Variants in MSH3 observed in about 807,000 individuals in gnomAD.
MSH3 encodes mutS homolog 3, also known as DNA mismatch repair protein Msh3.
In MSH3, 106 loss-of-function variants were observed where a neutral mutation model predicts 123.3. The observed-to-expected ratio is 0.86, with a 90% CI of 0.73 to 1.01. The LOEUF is 1.01. Among genes scored for constraint, MSH3 ranks in the 50% least tolerant of loss-of-function variants. The pLI, the probability that MSH3 is intolerant of heterozygous loss-of-function variation, is 0.00. For synonymous variants in MSH3, 515 were observed against 481.4 expected (o/e 1.07, Z -0.91); for missense variants, 1,459 against 1,347.6 (o/e 1.08, Z -1.29).
rs1580104275 is a variant in MSH3 at position 80,873,122 on chromosome 5, C to T, written c.3137C>T (p.Ala1046Val). Reference sequence around the variant, plus strand: ...TCCTTTCTTTATTTCACAGGCGCAGCAGAACAAGTCCCTGATTTTGTCACC... The same window carrying T: ...TCCTTTCTTTATTTCACAGGCGCAGTAGAACAAGTCCCTGATTTTGTCACC... The part of the protein sequence containing the change: ...EDESKLDPGA[A>V]EQVPDFVTFL... The change falls in exon 23 of 24, where the codon GCA becomes GTA. Residue 1046 changes from alanine (A) to valine (V), a missense_variant. Ala to Val is a moderately conservative substitution (Grantham distance 64). Transcript: ENST00000265081. 4 of 1,613,086 alleles carry T rather than the reference C, an allele frequency of 2.5e-6. No individual in the cohort carries two copies. Among genetic ancestry groups the T allele is most frequent in the Non-Finnish European group, 2.5e-6 (3 of 1,179,146 alleles).
intron 8 of MSH3, among the ~76,000 whole-genome samples, chr5:80,695,837 G>A (rs1580568921): frequency 6.6e-6 from 1 of 152,142 alleles, no homozygotes; most frequent in Non-Finnish European, 1.5e-5. Flanking sequence ...TCAGTTGGAG[G>A]TTTGGAGGTT....
At chr5:80,850,724 G>T (rs1420325395) in intron 20 of MSH3, among the ~76,000 whole-genome samples, 4 of 152,178 alleles carry the variant, frequency 2.6e-5, no homozygotes, top group African/African-American at 9.7e-5. Context: ...AAAAGATGTG[G>T]CTGGGGACAC....
At chr5:80,838,449 A>T (rs1354234488) in intron 20 of MSH3, among the ~76,000 whole-genome samples, 1 of 152,192 alleles carries the variant, frequency 6.6e-6, no homozygotes, top group Non-Finnish European at 1.5e-5. Flanking sequence ...AAAATGAGAT[A>T]ATGCCGGTAA....
chr5:80,839,754 TG>T (rs1561495098), intron 20 of MSH3, among the ~76,000 whole-genome samples: 4 of 152,140 alleles, frequency 2.6e-5, no homozygotes, highest in African/African-American at 9.7e-5. Context: ...ATATAAAAAG[TG>T]ACACAATAAA....
rs963277571 is a variant in MSH3, at chr5:80,670,413, A to G, written c.792+104A>G. Reference sequence around the variant, plus strand: ...CTGACCTTATATAAAAGCTGATTTGATCAATCACCTTTTAAAAAATACTGT... The same window carrying G: ...CTGACCTTATATAAAAGCTGATTTGGTCAATCACCTTTTAAAAAATACTGT... On this transcript the variant is annotated intron_variant, in intron 4 of 23. Transcript: ENST00000265081. 4 of 1,167,466 alleles carry G rather than the reference A, an allele frequency of 3.4e-6. No individual in the cohort carries two copies. In the East Asian group the frequency reaches 7.5e-5, roughly 22 times the overall value. The allele number at this position is 1,167,466 out of a possible 1,614,324, so 72.3% of individuals were successfully genotyped here.
Position 80,810,146 on chromosome 5 carries a change from T to C in MSH3, c.2656-3438T>C, listed in dbSNP as rs546508999. ...TGATGTTATTTATTATCCTTATGCA[T>C]GGTTTTTATTCTTTTGTTTGACATA... On this transcript the variant is annotated intron_variant, in intron 19 of 23. Transcript: ENST00000265081. Among the ~76,000 whole-genome samples the C allele has an allele frequency of 2.4e-3, 336 of 141,182 alleles. 2 individuals are homozygous for C. Among genetic ancestry groups the C allele is most frequent in the Middle Eastern group, 0.015 (4 of 266 alleles). 92.6% of individuals were successfully genotyped at this position (141,182 alleles called of 152,430 possible).
chr5:80,750,078 A>AGTGTGTGTGTGTGTGT (rs57762095), intron 12 of MSH3, among the ~76,000 whole-genome samples: 3,117 of 134,162 alleles, frequency 0.023, 84 homozygotes, highest in African/African-American at 0.062. Flanking sequence ...AGTATTCCAG[A>AGTGTGTGTGTGTGTGT]GTGTGTGTGT....
intron 17 of MSH3, among the ~76,000 whole-genome samples, chr5:80,783,504 G>A (rs552352965): frequency 6.6e-6 from 1 of 152,240 alleles, no homozygotes; most frequent in Non-Finnish European, 1.5e-5. Flanking sequence ...TTATACCATT[G>A]ACATCAGAAA....
chr5:80,725,783 G>A lies in MSH3; in HGVS notation c.1453+218G>A, dbSNP rs531775264. On this transcript the variant is annotated intron_variant, in intron 9 of 23. Coordinates refer to ENST00000265081, the MANE Select transcript of MSH3 (RefSeq NM_002439.5). ...GAGGATCGCCTGAGCCCAGGAGTTC[G>A]AGGCAGCAATGAGCTATTATCATGC... Among the ~76,000 whole-genome samples the A allele has an allele frequency of 2.0e-5, 3 of 152,230 alleles. No individual in the cohort carries two copies. The East Asian group carries it at 5.8e-4, about 29-fold the overall frequency.
At chr5:80,723,997 C>A (rs1561456101) in intron 8 of MSH3, among the ~76,000 whole-genome samples, 1 of 152,138 alleles carries the variant, frequency 6.6e-6, no homozygotes, top group Non-Finnish European at 1.5e-5. Flanking sequence ...CTCAGGCAGT[C>A]CTCCTGCCTC....
At chr5:80,862,745 T>C (rs1309108399) in intron 21 of MSH3, among the ~76,000 whole-genome samples, 2 of 152,034 alleles carry the variant, frequency 1.3e-5, no homozygotes, top group East Asian at 1.9e-4. Flanking sequence ...GGATGATAGA[T>C]TGAGACCCTG....
intron 2 of MSH3, 146 bp from the exon 3 acceptor site, chr5:80,664,997 T>C (rs966003011): frequency 4.6e-6 from 3 of 651,268 alleles, no homozygotes; most frequent in Admixed American, 5.9e-5. Flanking sequence ...CCAGTGTTTC[T>C]TTCTTTTTTT....
chr5:80,873,996 C>A (rs923485350), intron 23 of MSH3, among the ~76,000 whole-genome samples: 1 of 152,144 alleles, frequency 6.6e-6, no homozygotes, highest in Admixed American at 6.5e-5. Context: ...CCTACTGCCC[C>A]ACCCCTGCCG....
intron 20 of MSH3, among the ~76,000 whole-genome samples, chr5:80,817,208 G>T (rs1365854996): frequency 6.6e-6 from 1 of 152,210 alleles, no homozygotes; most frequent in Admixed American, 6.5e-5. Context: ...TCATGGGAGC[G>T]AGGGGAAAGA....
intron 2 of MSH3, 143 bp from the exon 3 acceptor site, chr5:80,664,998 TTC>T (rs879715322): frequency 3.1e-6 from 2 of 653,286 alleles, no homozygotes; most frequent in Non-Finnish European, 5.2e-6. Flanking sequence ...CAGTGTTTCT[TTC>T]TTTTTTTAAA....
At chr5:80,823,679 A>T (rs905677763) in intron 20 of MSH3, among the ~76,000 whole-genome samples, 1 of 152,126 alleles carries the variant, frequency 6.6e-6, no homozygotes, top group Non-Finnish European at 1.5e-5. Flanking sequence ...TACCTCCAGA[A>T]ATCTTTTTTT....
rs181401693 is a variant in MSH3 at position 80,791,628 on chromosome 5, C to G, written c.2544-1105C>G. Among the ~76,000 whole-genome samples the G allele has an allele frequency of 2.0e-5, 3 of 152,130 alleles. No homozygotes were observed. The East Asian group carries it at 5.8e-4, about 29-fold the overall frequency. ...TGATTTTTTTTACTATCCCCTTATTCTCATTTCTGTAAAATTATTTGTGAA... is the reference window on the plus strand; with the variant it reads ...TGATTTTTTTTACTATCCCCTTATTGTCATTTCTGTAAAATTATTTGTGAA... On this transcript the variant is annotated intron_variant, in intron 18 of 23. Transcript: ENST00000265081.
intron 10 of MSH3, among the ~76,000 whole-genome samples, chr5:80,737,432 A>G (rs1054096414): frequency 1.3e-5 from 2 of 152,124 alleles, no homozygotes; most frequent in African/African-American, 4.8e-5. Flanking sequence ...AAAAGCATCT[A>G]TTGTATTTTT....
chr5:80,655,279 C>A, intron 1 of MSH3: 1 of 276,604 alleles, frequency 3.6e-6, no homozygotes, highest in Non-Finnish European at 6.7e-6. Flanking sequence ...CTTTTAACCT[C>A]CATCCTTTTT....
Sources: allele counts gnomAD v4.1 joint callset (sites outside exome capture counted in the v4.1 genomes callset), GRCh38; gene constraint gnomAD v4.1.1; transcripts MANE v1.5; gene names NCBI Gene and HGNC (gene_info 2026-07-23, HGNC 2026-07-21).